STARD13: variants seen among roughly 807,000 people sequenced by gnomAD.
STARD13 encodes the protein StAR related lipid transfer domain containing 13.
STARD13 carries 62 observed loss-of-function variants against 106.4 expected under a neutral mutation model. The ratio of observed to expected loss-of-function variants is 0.58; its 90% CI spans 0.48 to 0.72. STARD13 has a LOEUF of 0.72. Among genes scored for constraint, STARD13 ranks in the 30% least tolerant of loss-of-function variants. The probability of loss-of-function intolerance (pLI) is 0.00; values close to 1 mark genes in which losing one functional copy is unlikely to be tolerated. For missense variants in STARD13, 1,387 were observed against 1,424.0 expected (o/e 0.97, Z 0.42); for synonymous variants, 565 against 553.0 (o/e 1.02, Z -0.31).
the STARD13 span, among the ~76,000 whole-genome samples, chr13:33,609,569 C>CTTTTT: frequency 7.1e-6 from 1 of 141,722 alleles, no homozygotes; most frequent in Admixed American, 7.1e-5. Flanking sequence ...TTCTTTCTTT[C>CTTTTT]TTTTTTTTTT....
At chr13:33,191,487 G>A (rs1886254298) in intron 1 of STARD13, among the ~76,000 whole-genome samples, 1 of 152,008 alleles carries the variant, frequency 6.6e-6, no homozygotes, top group South Asian at 2.1e-4. Flanking sequence ...ATGTCTCTTT[G>A]GAAAAATGTA....
chr13:33,242,478 G>A (rs977177925), intron 1 of STARD13, among the ~76,000 whole-genome samples: 4 of 152,174 alleles, frequency 2.6e-5, no homozygotes, highest in Non-Finnish European at 2.9e-5. Flanking sequence ...CGAAACATGT[G>A]CTGTGTCCAC....
At chr13:33,230,138 C>T (rs1328331328) in intron 1 of STARD13, among the ~76,000 whole-genome samples, 2 of 152,212 alleles carry the variant, frequency 1.3e-5, no homozygotes, top group Non-Finnish European at 2.9e-5. Context: ...AGATTGTAGC[C>T]ATCGTTCTCC....
At chr13:33,329,268 G>A (rs942529073) in intron 1 of STARD13, among the ~76,000 whole-genome samples, 46 of 151,822 alleles carry the variant, frequency 3.0e-4, no homozygotes, top group African/African-American at 1.1e-3. Flanking sequence ...TAAATTCTTT[G>A]TGACAATTTA....
upstream of STARD13, among the ~76,000 whole-genome samples, chr13:33,290,598 GCAAA>G (rs1340226717): frequency 6.6e-6 from 1 of 152,214 alleles, no homozygotes; most frequent in Non-Finnish European, 1.5e-5. Flanking sequence ...AGATCCTGCC[GCAAA>G]CACTTGTAAG....
the STARD13 span, among the ~76,000 whole-genome samples, chr13:33,666,837 C>A: frequency 6.6e-6 from 1 of 152,178 alleles, no homozygotes; most frequent in Non-Finnish European, 1.5e-5. Context: ...TGTGATCCAC[C>A]TTCCTCAGCT....
At chr13:33,544,770 CTTTTTT>C in the STARD13 span, among the ~76,000 whole-genome samples, 29 of 108,714 alleles carry the variant, frequency 2.7e-4, no homozygotes, top group Non-Finnish European at 9.0e-5. Flanking sequence ...TGTTTTTTCT[CTTTTTT>C]TTTTTTTTTT....
chr13:33,420,318 A>T, the STARD13 span, among the ~76,000 whole-genome samples: 1 of 152,246 alleles, frequency 6.6e-6, no homozygotes, highest in Non-Finnish European at 1.5e-5. Context: ...GTCTCTGAGA[A>T]AGCAGACTTT....
intron 7 of STARD13, among the ~76,000 whole-genome samples, chr13:33,125,495 T>C (rs1029989158): frequency 1.3e-5 from 2 of 152,294 alleles, no homozygotes; most frequent in Non-Finnish European, 2.9e-5. Flanking sequence ...AGCAAATCTC[T>C]GAATATTTTG....
chr13:33,673,561 T>A, the STARD13 span, among the ~76,000 whole-genome samples: 1 of 151,372 alleles, frequency 6.6e-6, no homozygotes, highest in South Asian at 2.1e-4. Flanking sequence ...TTTTTTTTTT[T>A]GAGACAGAGT....
intron 1 of STARD13, among the ~76,000 whole-genome samples, chr13:33,336,894 T>G (rs2077903523): frequency 6.6e-6 from 1 of 152,120 alleles, no homozygotes; most frequent in African/African-American, 2.4e-5. Context: ...AATATCAGGT[T>G]GGTGAAAAAG....
At chr13:33,115,001 T>C (rs527966179) in intron 8 of STARD13, among the ~76,000 whole-genome samples, 1 of 152,134 alleles carries the variant, frequency 6.6e-6, no homozygotes, top group South Asian at 2.1e-4. Flanking sequence ...TAATTTGCAA[T>C]CATATGGGGG....
the STARD13 span, among the ~76,000 whole-genome samples, chr13:33,487,455 A>G: frequency 1.3e-5 from 2 of 152,218 alleles, no homozygotes; most frequent in African/African-American, 4.8e-5. Flanking sequence ...AGACATTAGT[A>G]TATTTTAAAT....
At chr13:33,584,340 G>A in the STARD13 span, among the ~76,000 whole-genome samples, 4 of 152,076 alleles carry the variant, frequency 2.6e-5, no homozygotes, top group Non-Finnish European at 5.9e-5. Flanking sequence ...CAATCATGGC[G>A]GAAGGCAAAG....
chr13:33,615,891 C>A, the STARD13 span, among the ~76,000 whole-genome samples: 3 of 152,266 alleles, frequency 2.0e-5, no homozygotes, highest in African/African-American at 7.2e-5. Flanking sequence ...ATACTAATTG[C>A]GTACCTATAG....
At chr13:33,542,592 C>T in the STARD13 span, among the ~76,000 whole-genome samples, 9 of 152,218 alleles carry the variant, frequency 5.9e-5, no homozygotes, top group Non-Finnish European at 1.0e-4. Context: ...GAGGCGCGCG[C>T]ACCAGCAACC....
intron 1 of STARD13, among the ~76,000 whole-genome samples, chr13:33,238,301 T>C (rs1349716866): frequency 6.6e-6 from 1 of 152,138 alleles, no homozygotes; most frequent in East Asian, 1.9e-4. Context: ...ATTTATTTAA[T>C]AGTTAAAACC....
intron 1 of STARD13, among the ~76,000 whole-genome samples, chr13:33,199,670 A>G (rs1886875490): frequency 6.6e-6 from 1 of 152,184 alleles, no homozygotes; most frequent in Admixed American, 6.5e-5. Context: ...TGAGTTCCCA[A>G]TATTGTTGTT....
At chr13:33,354,697 T>C (rs1198896014), upstream of STARD13, among the ~76,000 whole-genome samples, 1 of 152,192 alleles carries the variant, frequency 6.6e-6, no homozygotes, top group Non-Finnish European at 1.5e-5. Flanking sequence ...GTGTAAATTT[T>C]AAGGATGCTT....
Sources: gnomAD v4.1 joint callset for allele counts (sites outside exome capture counted in the v4.1 genomes callset) on GRCh38, gnomAD v4.1.1 for gene constraint, MANE v1.5 for transcripts, NCBI Gene and HGNC (gene_info 2026-07-23, HGNC 2026-07-21) for gene names.